Variants in MYH4 observed in about 807,000 individuals in gnomAD.
The protein encoded by MYH4 is myosin heavy chain 4.
In MYH4, 200 loss-of-function variants were observed where a neutral mutation model predicts 229.9. That is an observed-to-expected ratio of 0.87 (90% CI 0.78 to 0.98). The LOEUF is 0.98. Ranked by LOEUF, MYH4 falls within the 50% of genes least tolerant of loss-of-function variation. The probability of loss-of-function intolerance (pLI) is 0.00; values close to 1 mark genes in which losing one functional copy is unlikely to be tolerated. For synonymous variants in MYH4, 761 were observed against 834.6 expected, an observed-to-expected ratio of 0.91 and a Z score of 1.52; for missense variants, 2,148 against 2,332.6, an observed-to-expected ratio of 0.92 and a Z score of 1.63.
chr17:10,446,001 C>T (rs930309354), intron 35 of MYH4, among the ~76,000 whole-genome samples: 6 of 124,434 alleles, frequency 4.8e-5, no homozygotes, highest in Admixed American at 4.3e-4. Context: ...GCACTCCAGC[C>T]TGGGTGACAG....
intron 4 of MYH4, 55 bp downstream of exon 4, chr17:10,466,218 G>C: frequency 1.9e-6 from 3 of 1,586,066 alleles, no homozygotes; most frequent in Non-Finnish European, 2.6e-6. Flanking sequence ...ATTTATTTTA[G>C]CTAACATGTG....
chr17:10,464,962 A>G (rs1467143191), intron 5 of MYH4, among the ~76,000 whole-genome samples: 2 of 152,220 alleles, frequency 1.3e-5, no homozygotes, highest in African/African-American at 2.4e-5. Context: ...AGAATAATCT[A>G]TCAATATCAG....
intron 39 of MYH4, among the ~76,000 whole-genome samples, chr17:10,444,280 G>A (rs941922350): frequency 6.6e-6 from 1 of 152,132 alleles, no homozygotes; most frequent in African/African-American, 2.4e-5. Context: ...ATGAAGCTTA[G>A]AATTCATACT....
Position 10,455,571 on chromosome 17 carries a change from T to A in MYH4, c.2174+43A>T, listed in dbSNP as rs368935762. 3.1e-4 allele frequency: 504 copies of A among 1,606,638 alleles called. 5 individuals carry two copies. The South Asian group carries it at 3.6e-3, about 11-fold the overall frequency. ...ATGTTGGAATTATATAGTGATTTTG[T>A]GTAGACTAAGACATTGGAAGGGAAA... On this transcript the variant is annotated intron_variant, in intron 19 of 39. Coordinates refer to ENST00000255381, the MANE Select transcript of MYH4 (RefSeq NM_017533.2).
intron 20 of MYH4, 47 bp from the exon 21 acceptor site, chr17:10,455,124 T>A: frequency 6.2e-7 from 1 of 1,614,050 alleles, no homozygotes; most frequent in Non-Finnish European, 8.5e-7. Flanking sequence ...TACAGGAAAG[T>A]CTAAAAGTGA....
rs141656211 is a variant in MYH4 at position 10,448,766 on chromosome 17, T to C, written c.4383A>G (p.Lys1461=). Residue 1461 remains lysine, a synonymous_variant, in exon 32 of 40, where the codon AAA becomes AAG. Transcript: ENST00000255381. ...CAGCCTGAGTTTCCTCATACTTCTG[T>C]TTCCATTCTGCCAGAACCTGGAAGT... ...RNFDKVLAEW[K]QKYEETQAEL... is the part of the protein sequence containing the mutation. 158 of 1,613,926 alleles carry C rather than the reference T, an allele frequency of 9.8e-5. No homozygotes were observed. In the African/African-American group the frequency reaches 1.8e-3, roughly 18 times the overall value.
rs1468439471 is a variant in MYH4, at chr17:10,447,817, C to T, written c.4965+1G>A. On this transcript the variant is annotated splice_donor_variant, in intron 34 of 39. Transcript: ENST00000255381. LOFTEE classifies it high-confidence loss of function. ...CACTATGTGTATTTACCCCAGCATA[C>T]CTTCAGTATTCCTTGTGTGTTTCTA... 2.1e-5 allele frequency: 33 copies of T among 1,604,424 alleles called. No homozygotes were observed. In the East Asian group the frequency reaches 4.9e-4, roughly 24 times the overall value.
intron 33 of MYH4, 47 bp from the exon 34 acceptor site, chr17:10,448,173 T>A: frequency 6.6e-7 from 1 of 1,511,872 alleles, no homozygotes; most frequent in Non-Finnish European, 8.9e-7. Flanking sequence ...AGCTTTTTAT[T>A]TCTTTCACAT....
Position 10,464,490 on chromosome 17 carries a change from A to T in MYH4, c.630T>A (p.Pro210=). The T allele has an allele frequency of 6.2e-7, 1 of 1,613,548 alleles. No homozygotes were observed. The part of the protein sequence containing the change: ...AVTGEKKKEE[P]ASGKMQGTLE... Reference sequence around the variant, plus strand: ...TGCCCACCTGCATTTTGCCAGAGGCAGGTTCCTCTTTTTTCTTCTCTCCAG... The same window carrying T: ...TGCCCACCTGCATTTTGCCAGAGGCTGGTTCCTCTTTTTTCTTCTCTCCAG... Residue 210 remains proline, a synonymous_variant, in exon 7 of 40, where the codon CCT becomes CCA. Transcript: ENST00000255381.
Position 10,459,295 on chromosome 17 carries a change from C to T in MYH4, c.1543G>A (p.Asp515Asn). Residue 515 changes from aspartate (D) to asparagine (N), a missense_variant, in exon 15 of 40, where the codon GAC (aspartate) becomes AAC (asparagine). Coordinates refer to ENST00000255381, the MANE Select transcript of MYH4 (RefSeq NM_017533.2). ...CAGGCAGCCAGGTCCATCCCGAAGT[C>T]AATGAACTCCCACTCGATGCCTTCC... is the stretch of plus-strand genomic sequence containing the variant. ...KKEGIEWEFI[D>N]FGMDLAACIE... The T allele has an allele frequency of 1.2e-6, 2 of 1,614,076 alleles. No individual in the cohort carries two copies. The highest frequency in any genetic ancestry group is 3.3e-5 in the Admixed American group (2 of 60,008).
Position 10,461,041 on chromosome 17 carries a change from A to G in MYH4, c.1022T>C (p.Ile341Thr), listed in dbSNP as rs1333261499. The change falls in exon 12 of 40, where the codon ATC becomes ACC. Residue 341 changes from isoleucine to threonine, a missense_variant. By Grantham distance (89) the Ile-to-Thr change is moderately conservative. Coordinates refer to ENST00000255381, the MANE Select transcript of MYH4 (RefSeq NM_017533.2). ...ELMATDSAVD[I>T]LGFTADEKVA... ...CTTTTCATCAGCAGTGAAACCCAGG[A>G]TGTCCACAGCACTCTGTCAAAAGAG... 6.2e-7 allele frequency: 1 copy of G among 1,613,972 alleles called. No individual in the cohort carries two copies. Among genetic ancestry groups the G allele is most frequent in the Non-Finnish European group, 8.5e-7 (1 of 1,179,998 alleles).
intron 4 of MYH4, among the ~76,000 whole-genome samples, chr17:10,465,803 C>T (rs1345264470): frequency 1.8e-5 from 2 of 110,852 alleles, no homozygotes; most frequent in Non-Finnish European, 1.7e-5. Context: ...GAGACGGAGT[C>T]TCGCTCTGTC....
At position 10,452,949 on chromosome 17, in the gene MYH4, T is replaced by C; in HGVS notation, c.3112-17A>G. The C allele has an allele frequency of 1.3e-6, 2 of 1,599,612 alleles. No individual in the cohort carries two copies. Among genetic ancestry groups the C allele is most frequent in the Non-Finnish European group, 1.7e-6 (2 of 1,176,944 alleles). The stretch of plus-strand genomic sequence containing the variant: ...TCCTTCAAGCTAAATTTATGATGCA[T>C]TTTATTTATTTCAGCTCTTAAGCAC... On this transcript the variant is annotated splice_polypyrimidine_tract_variant and intron_variant, in intron 24 of 39. Coordinates refer to ENST00000255381, the MANE Select transcript of MYH4 (RefSeq NM_017533.2).
intron 4 of MYH4, 145 bp downstream of exon 4, chr17:10,466,128 A>T (rs1451582603): frequency 1.4e-5 from 15 of 1,050,730 alleles, no homozygotes; most frequent in Non-Finnish European, 1.9e-5. Flanking sequence ...ACATTTTAAA[A>T]CATATCAGAG....
In MYH4 at chr17:10,453,848, T is replaced by C. The variant is rs2072607015; in HGVS notation, c.2729A>G (p.Asp910Gly). The C allele has an allele frequency of 6.2e-7, 1 of 1,614,028 alleles. No homozygotes were observed. Among genetic ancestry groups the C allele is most frequent in the South Asian group, 1.1e-5 (1 of 91,084 alleles). ...DALADAEERC[D>G]QLIKTKIQLE... is the part of the protein sequence containing the mutation. Reference sequence around the variant, plus strand: ...TTGGATTTTGGTTTTAATCAACTGATCACATCTTTCCTCTGCATCAGCCAA... The same window carrying C: ...TTGGATTTTGGTTTTAATCAACTGACCACATCTTTCCTCTGCATCAGCCAA... Residue 910 changes from aspartate to glycine, a missense_variant, in exon 23 of 40, where the codon GAT becomes GGT. Coordinates refer to ENST00000255381, the MANE Select transcript of MYH4 (RefSeq NM_017533.2).
In MYH4 at chr17:10,452,877, T is replaced by C. The variant is rs774340611; in HGVS notation, c.3167A>G (p.Lys1056Arg). ...KKLCMDLERA[K>R]RKLEGDLKLA... The stretch of plus-strand genomic sequence containing the variant: ...TTTTAGGTCACCCTCCAGTTTTCTC[T>C]TGGCTCTTTCTAAGTCCATGCAAAG... The change falls in exon 25 of 40, where the codon AAG becomes AGG. Residue 1056 changes from lysine (K) to arginine (R), a missense_variant. Physicochemically the swap from Lys to Arg is conservative, Grantham distance 26 (BLOSUM62 2). Coordinates refer to ENST00000255381, the MANE Select transcript of MYH4 (RefSeq NM_017533.2). 1 of 1,608,456 alleles carries C rather than the reference T, an allele frequency of 6.2e-7. No homozygotes were observed. Among genetic ancestry groups the C allele is most frequent in the East Asian group, 2.2e-5 (1 of 44,852 alleles).
chr17:10,452,862 C>T lies in MYH4; in HGVS notation c.3182G>A (p.Gly1061Asp). 1.2e-6 allele frequency: 2 copies of T among 1,608,906 alleles called. No homozygotes were observed. The highest frequency in any genetic ancestry group is 1.1e-5 in the South Asian group (1 of 89,044). ...DLERAKRKLE[G>D]DLKLAQESTM... ...GGATTCTTGGGCCAATTTTAGGTCA[C>T]CCTCCAGTTTTCTCTTGGCTCTTTC... Residue 1061 changes from glycine to aspartate, a missense_variant, in exon 25 of 40, where the codon GGT (glycine) becomes GAT (aspartate). Coordinates refer to ENST00000255381, the MANE Select transcript of MYH4 (RefSeq NM_017533.2).
rs752287908 is a variant in MYH4 at position 10,452,143 on chromosome 17, C to T, written c.3536G>A (p.Arg1179His). The T allele has an allele frequency of 1.2e-5, 20 of 1,613,916 alleles. No homozygotes were observed. The African/African-American group carries it at 2.0e-4, about 16-fold the overall frequency. The change falls in exon 27 of 40, where the codon CGC becomes CAC. Residue 1179 changes from arginine (R) to histidine (H), a missense_variant. Transcript: ENST00000255381. ...CAGGGTGGACTCTTCCAGGTCCCTG[C>T]GCATTTTCTGGAACTCAGCCTCCCG... ...KKREAEFQKM[R>H]RDLEESTLQH...
At chr17:10,453,463 T>C in intron 23 of MYH4, 135 bp from the exon 24 acceptor site, 3 of 1,555,962 alleles carry the variant, frequency 1.9e-6, no homozygotes, top group Admixed American at 3.7e-5. Context: ...AGGCCTATAA[T>C]GGCTGAAAAA....
Sources: gnomAD v4.1 joint callset for allele counts (sites outside exome capture counted in the v4.1 genomes callset) on GRCh38, gnomAD v4.1.1 for gene constraint, MANE v1.5 for transcripts, NCBI Gene and HGNC (gene_info 2026-07-23, HGNC 2026-07-21) for gene names.